Variants in THSD7A observed in about 807,000 individuals in gnomAD.
The protein encoded by THSD7A is thrombospondin type 1 domain containing 7A.
Under a neutral mutation model 231.3 loss-of-function variants are expected in THSD7A, and 96 were observed. That is an observed-to-expected ratio of 0.41 (90% confidence interval 0.35 to 0.49). The LOEUF (loss-of-function observed/expected upper bound fraction) is 0.49. Ranked by LOEUF, THSD7A falls within the 20% of genes least tolerant of loss-of-function variation. The pLI is 0.05. For missense variants in THSD7A, 2,290 were observed against 2,070.2 expected, an observed-to-expected ratio of 1.11 and a Z score of -2.06; for synonymous variants, 940 against 743.3, an observed-to-expected ratio of 1.26 and a Z score of -4.30.
chr7:11,710,214 A>G (rs2074224830), intron 1 of THSD7A, among the ~76,000 whole-genome samples: 1 of 150,742 alleles, frequency 6.6e-6, no homozygotes, highest in Non-Finnish European at 1.5e-5. Flanking sequence ...CTTGTGGGCC[A>G]GGGAAAAAGC....
intron 1 of THSD7A, among the ~76,000 whole-genome samples, chr7:11,788,768 G>C (rs922746992): frequency 6.6e-6 from 1 of 151,868 alleles, no homozygotes; most frequent in African/African-American, 2.4e-5. Flanking sequence ...TTTATTATCT[G>C]TAAAATGGGG....
intron 6 of THSD7A, among the ~76,000 whole-genome samples, chr7:11,538,446 C>G (rs1789005125): frequency 6.6e-6 from 1 of 152,114 alleles, no homozygotes. Flanking sequence ...GTCCAATAGC[C>G]TGGTTTGTTC....
chr7:11,399,817 G>C (rs13306973), intron 23 of THSD7A, among the ~76,000 whole-genome samples: 1 of 151,892 alleles, frequency 6.6e-6, no homozygotes, highest in African/African-American at 2.4e-5. Flanking sequence ...CTGGGTATAC[G>C]CCCAAAGGAC....
chr7:11,813,030 T>C (rs147109190), intron 1 of THSD7A, among the ~76,000 whole-genome samples: 1 of 152,310 alleles, frequency 6.6e-6, no homozygotes, highest in Admixed American at 6.5e-5. Flanking sequence ...TGTTATTCCA[T>C]CCACTAAGCT....
At chr7:11,768,946 GTTTTGTTTTAT>G (rs1562540941) in intron 1 of THSD7A, among the ~76,000 whole-genome samples, 2 of 149,242 alleles carry the variant, frequency 1.3e-5, no homozygotes. Flanking sequence ...GTTTTGTTTT[GTTTTGTTTTAT>G]TTTTGTTTTG....
chr7:11,406,853 G>A lies in THSD7A; in HGVS notation c.4062+57C>T. 6.3e-7 allele frequency: 1 copy of A among 1,575,460 alleles called. No individual in the cohort carries two copies. Among genetic ancestry groups the A allele is most frequent in the East Asian group, 2.3e-5 (1 of 44,420 alleles). On this transcript the variant is annotated intron_variant, in intron 21 of 27. Coordinates refer to ENST00000423059, the MANE Select transcript of THSD7A (RefSeq NM_015204.3). This position sits in a 1 kb window ranked among gnomAD's most constrained non-coding sequence, Gnocchi z 4.7. ...CACATTATTTTTATGTTTTTCTGCA[G>A]ATGAAGTCTCTGCAGATAGAGTACA...
intron 16 of THSD7A, among the ~76,000 whole-genome samples, chr7:11,421,186 T>C (rs1009281725): frequency 3.3e-5 from 5 of 152,092 alleles, no homozygotes; most frequent in African/African-American, 4.8e-5. Flanking sequence ...TGGAATGATA[T>C]GGTTTGGCTC....
chr7:11,387,350 G>A (rs1391462872), intron 23 of THSD7A, among the ~76,000 whole-genome samples: 1 of 151,978 alleles, frequency 6.6e-6, no homozygotes, highest in African/African-American at 2.4e-5. Flanking sequence ...ATGATCATGG[G>A]ATGTTTTTCC....
chr7:11,499,419 C>A (rs1787240894), intron 6 of THSD7A, among the ~76,000 whole-genome samples: 1 of 152,154 alleles, frequency 6.6e-6, no homozygotes, highest in African/African-American at 2.4e-5. Flanking sequence ...CCAAGATTTC[C>A]CTAGAGCTTC....
chr7:11,649,547 C>A (rs975217282), intron 1 of THSD7A, among the ~76,000 whole-genome samples: 3 of 151,988 alleles, frequency 2.0e-5, no homozygotes, highest in African/African-American at 7.2e-5. Flanking sequence ...CAGGGGCCAG[C>A]AGCTGGAAGG....
chr7:11,401,444 T>A (rs1266158196), intron 23 of THSD7A, among the ~76,000 whole-genome samples: 1 of 152,224 alleles, frequency 6.6e-6, no homozygotes, highest in African/African-American at 2.4e-5. Context: ...GAGATGGAAT[T>A]TCACTCTTGT....
chr7:11,683,271 A>C (rs1422593360), intron 1 of THSD7A, among the ~76,000 whole-genome samples: 1 of 152,036 alleles, frequency 6.6e-6, no homozygotes, highest in Admixed American at 6.6e-5. Flanking sequence ...TAGGTGAACA[A>C]TGAAACATAA....
intron 1 of THSD7A, among the ~76,000 whole-genome samples, chr7:11,793,164 C>A (rs547426773): frequency 6.6e-6 from 1 of 151,522 alleles, no homozygotes; most frequent in East Asian, 1.9e-4. Flanking sequence ...GATGAAAAGA[C>A]AATTAAAAGG....
intron 4 of THSD7A, among the ~76,000 whole-genome samples, chr7:11,583,730 G>A (rs938151732): frequency 6.6e-6 from 1 of 152,056 alleles, no homozygotes; most frequent in African/African-American, 2.4e-5. Flanking sequence ...CTGTGCCTTA[G>A]GTTAAGGTAT....
chr7:11,603,916 A>G lies in THSD7A; in HGVS notation c.1023-10414T>C, dbSNP rs1165331038. Among the ~76,000 whole-genome samples the G allele has an allele frequency of 6.6e-5, 10 of 151,030 alleles. No homozygotes were observed. The East Asian group carries it at 2.0e-3, about 30-fold the overall frequency. On this transcript the variant is annotated intron_variant, in intron 2 of 27. Transcript: ENST00000423059. ...GGGGGGAAGGATAGCATTGGGAGAT[A>G]TACCTAATGCTAGATGACGAGTTAG... is the stretch of plus-strand genomic sequence containing the variant.
chr7:11,780,317 A>G (rs1783583170), intron 1 of THSD7A, among the ~76,000 whole-genome samples: 1 of 152,202 alleles, frequency 6.6e-6, no homozygotes. Context: ...CCCACACTGA[A>G]TAAGGCTGAC....
rs1001313554 is a variant in THSD7A at position 11,693,119 on chromosome 7, C to G, written c.191-56158G>C. ...ACTTTTCAAGAATATAAACTTGTCC[C>G]TAAACTTTTCAGGAAACACCTTAAA... On this transcript the variant is annotated intron_variant, in intron 1 of 27. Coordinates refer to ENST00000423059, the MANE Select transcript of THSD7A (RefSeq NM_015204.3). 4.6e-5 allele frequency among the ~76,000 whole-genome samples: 7 copies of G among 151,504 alleles called. No homozygotes were observed. The South Asian group carries it at 1.5e-3, about 31-fold the overall frequency.
intron 1 of THSD7A, among the ~76,000 whole-genome samples, chr7:11,825,991 G>T (rs940758313): frequency 1.3e-5 from 2 of 152,220 alleles, no homozygotes. Flanking sequence ...AAGATTGGTA[G>T]AATTAAAATA....
intron 6 of THSD7A, among the ~76,000 whole-genome samples, chr7:11,486,407 T>C (rs961869712): frequency 9.2e-5 from 14 of 152,214 alleles, no homozygotes; most frequent in Admixed American, 2.6e-4. Context: ...CCTAGCACTA[T>C]GGGAATTCCA....
Sources: allele counts gnomAD v4.1 joint callset (sites outside exome capture counted in the v4.1 genomes callset), GRCh38; gene constraint gnomAD v4.1.1; non-coding constraint Gnocchi (gnomAD v3.1); transcripts MANE v1.5; gene names NCBI Gene and HGNC (gene_info 2026-07-23, HGNC 2026-07-21).